Variants in DOCK1 observed in about 807,000 individuals in gnomAD.
The protein encoded by DOCK1 is dedicator of cytokinesis 1, also known as dedicator of cytokinesis protein 1.
DOCK1 carries 138 observed loss-of-function variants against 262.7 expected under a neutral mutation model. The observed-to-expected ratio is 0.53, with a 90% confidence interval of 0.46 to 0.61. DOCK1 has a LOEUF of 0.61. DOCK1 is among the 20% of genes least tolerant of loss of function. DOCK1 has a pLI of 0.00. For synonymous variants in DOCK1, 866 were observed against 867.4 expected (o/e 1.00, Z 0.03); for missense variants, 1,908 against 2,370.7 (o/e 0.80, Z 4.05).
At chr10:126,940,822 G>T (rs909133750) in intron 1 of DOCK1, among the ~76,000 whole-genome samples, 1 of 152,190 alleles carries the variant, frequency 6.6e-6, no homozygotes, top group African/African-American at 2.4e-5. Flanking sequence ...GTATTGACAA[G>T]AACTGGAGTT....
Position 127,426,012 on chromosome 10 carries a change from G to A in DOCK1, c.4914+1G>A. ...GAAAGAGTACGGCGTCCGAATCATG[G>A]TAAGAGGGTAGTATGCGTAGTGTTG... On this transcript the variant is annotated splice_donor_variant, in intron 47 of 51. Coordinates refer to ENST00000623213, the MANE Select transcript of DOCK1 (RefSeq NM_001290223.2). LOFTEE classifies it high-confidence loss of function. The A allele has an allele frequency of 6.2e-7, 1 of 1,613,914 alleles. No individual in the cohort carries two copies. The highest frequency in any genetic ancestry group is 8.5e-7 in the Non-Finnish European group (1 of 1,179,874).
At chr10:127,316,111 A>G (rs928437004) in intron 29 of DOCK1, among the ~76,000 whole-genome samples, 17 of 152,226 alleles carry the variant, frequency 1.1e-4, no homozygotes, top group Admixed American at 1.0e-3. Flanking sequence ...ACCTTCCAGT[A>G]AATTCACGTA....
intron 48 of DOCK1, among the ~76,000 whole-genome samples, chr10:127,435,119 A>G (rs550889626): frequency 6.6e-6 from 1 of 152,348 alleles, no homozygotes; most frequent in East Asian, 1.9e-4. Context: ...TTGCAAAGAG[A>G]ACTGCAACAT....
chr10:126,964,508 C>T (rs2037514116), intron 1 of DOCK1, among the ~76,000 whole-genome samples: 1 of 152,248 alleles, frequency 6.6e-6, no homozygotes, highest in Non-Finnish European at 1.5e-5. Flanking sequence ...CTTTGTTTTC[C>T]CCAGCCCTGA....
intron 29 of DOCK1, among the ~76,000 whole-genome samples, chr10:127,294,671 TG>T (rs752918092): frequency 1.7e-4 from 25 of 143,906 alleles, no homozygotes; most frequent in Non-Finnish European, 3.5e-4. Context: ...TTTTTTAAGA[TG>T]GAGTCTGGCT....
intron 38 of DOCK1, among the ~76,000 whole-genome samples, chr10:127,385,469 C>T (rs1360445831): frequency 6.6e-6 from 1 of 150,822 alleles, no homozygotes; most frequent in Non-Finnish European, 1.5e-5. Flanking sequence ...GTTTTTAAAA[C>T]CTGCCACCGA....
Position 126,947,388 on chromosome 10 carries a change from A to AGTATTACTGTTGGTGGTGATGGTGGTG in DOCK1, c.47-23312_47-23311insATTACTGTTGGTGGTGATGGTGGTGGT, listed in dbSNP as rs2035539992. On this transcript the variant is annotated intron_variant, in intron 1 of 51. Coordinates refer to ENST00000623213, the MANE Select transcript of DOCK1 (RefSeq NM_001290223.2). ...TATTACTGTTGGTGGTGATGGTGGT[A>AGTATTACTGTTGGTGGTGATGGTGGTG]GTTGGTAGTATTACTGTTGGTGGTG... Among the ~76,000 whole-genome samples, 14 of 22,190 alleles carry AGTATTACTGTTGGTGGTGATGGTGGTG rather than the reference A, an allele frequency of 6.3e-4. 2 individuals are homozygous for AGTATTACTGTTGGTGGTGATGGTGGTG. Among genetic ancestry groups the AGTATTACTGTTGGTGGTGATGGTGGTG allele is most frequent in the East Asian group, 2.3e-3 (2 of 858 alleles). 14.6% of individuals were successfully genotyped at this position (22,190 alleles called of 152,430 possible). A position where few individuals can be genotyped will look rare whatever the true frequency, so the allele number is the denominator to read the frequency against.
intron 49 of DOCK1, among the ~76,000 whole-genome samples, chr10:127,442,402 A>G (rs2070227932): frequency 6.6e-6 from 1 of 152,082 alleles, no homozygotes; most frequent in South Asian, 2.1e-4. Context: ...CTTGGGGGAG[A>G]ACGTTGACCC....
intron 23 of DOCK1, among the ~76,000 whole-genome samples, chr10:127,097,155 G>C (rs897022367): frequency 1.1e-4 from 16 of 152,170 alleles, no homozygotes; most frequent in African/African-American, 3.9e-4. Context: ...AAGTATTTCA[G>C]CAATTAGAAA....
At chr10:127,294,180 G>C (rs1364741733) in intron 29 of DOCK1, among the ~76,000 whole-genome samples, 1 of 152,158 alleles carries the variant, frequency 6.6e-6, no homozygotes, top group Non-Finnish European at 1.5e-5. Flanking sequence ...TCCAGTTTAA[G>C]GCCTGTCTCA....
At chr10:127,005,203 G>A (rs549855845) in intron 10 of DOCK1, among the ~76,000 whole-genome samples, 41 of 152,118 alleles carry the variant, frequency 2.7e-4, no homozygotes, top group African/African-American at 7.0e-4. Context: ...AAAATTAGCC[G>A]GTCGTGGTGG....
At chr10:127,092,726 G>A (rs867159457) in intron 23 of DOCK1, among the ~76,000 whole-genome samples, 14 of 152,036 alleles carry the variant, frequency 9.2e-5, no homozygotes, top group Admixed American at 3.9e-4. Flanking sequence ...CAAGTGATCC[G>A]CCTGCCTCAG....
intron 29 of DOCK1, among the ~76,000 whole-genome samples, chr10:127,283,069 CAA>C (rs2061019615): frequency 6.6e-6 from 1 of 152,236 alleles, no homozygotes; most frequent in African/African-American, 2.4e-5. Flanking sequence ...TGTTTGGCGC[CAA>C]CAAGGAGCGT....
intron 21 of DOCK1, among the ~76,000 whole-genome samples, chr10:127,048,115 T>C (rs893134793): frequency 5.9e-5 from 9 of 152,228 alleles, no homozygotes; most frequent in African/African-American, 1.9e-4. Flanking sequence ...GGTTGTACCA[T>C]ATTGCATTCC....
At chr10:127,092,033 A>G (rs569659286) in intron 23 of DOCK1, among the ~76,000 whole-genome samples, 11 of 152,316 alleles carry the variant, frequency 7.2e-5, no homozygotes, top group Admixed American at 6.5e-4. Flanking sequence ...AATTCAAATA[A>G]AATACAGCTA....
intron 29 of DOCK1, among the ~76,000 whole-genome samples, chr10:127,322,415 CCTGACCT>C (rs2062575319): frequency 6.6e-6 from 1 of 151,906 alleles, no homozygotes; most frequent in African/African-American, 2.4e-5. Context: ...ATCTCAAACT[CCTGACCT>C]CAAGTGAACC....
chr10:127,410,761 T>G (rs1341592446), intron 42 of DOCK1, 79 bp from the exon 43 acceptor site: 1 of 1,358,234 alleles, frequency 7.4e-7, no homozygotes, highest in East Asian at 2.4e-5. Flanking sequence ...TGACATGTTC[T>G]AAGGCCAGAC....
intron 1 of DOCK1, among the ~76,000 whole-genome samples, chr10:126,953,780 C>T (rs1014735120): frequency 4.6e-5 from 7 of 151,974 alleles, no homozygotes; most frequent in Non-Finnish European, 1.0e-4. Context: ...CAGTGGTCAG[C>T]TTTGATGTCA....
chr10:127,190,674 C>G (rs146691132), intron 27 of DOCK1, among the ~76,000 whole-genome samples: 3 of 21,480 alleles, frequency 1.4e-4, no homozygotes, highest in East Asian at 1.3e-3. Context: ...TTCCCCCCCC[C>G]CCCCCCCCCG....
Sources: allele counts gnomAD v4.1 joint callset (sites outside exome capture counted in the v4.1 genomes callset), GRCh38; gene constraint gnomAD v4.1.1; transcripts MANE v1.5; gene names NCBI Gene and HGNC (gene_info 2026-07-23, HGNC 2026-07-21).